Variants in LHFPL1 observed in about 807,000 individuals in gnomAD.
LHFPL1 encodes the protein LHFPL tetraspan subfamily member 1.
A neutral mutation model predicts 12.1 loss-of-function variants in LHFPL1; 4 were observed. The ratio of observed to expected loss-of-function variants is 0.33; its 90% CI spans 0.16 to 0.76. The LOEUF (loss-of-function observed/expected upper bound fraction) is 0.76, where lower values mean the gene tolerates loss of function less well. Ranked by LOEUF, LHFPL1 falls within the 30% of genes least tolerant of loss-of-function variation. The probability of loss-of-function intolerance (pLI) is 0.61; values close to 1 mark genes in which losing one functional copy is unlikely to be tolerated. For synonymous variants in LHFPL1, 52 were observed against 61.9 expected, an observed-to-expected ratio of 0.84 and a Z score of 0.75; for missense variants, 141 against 174.1, an observed-to-expected ratio of 0.81 and a Z score of 1.07.
At position 112,660,713 on chromosome X, in the gene LHFPL1, C is replaced by T. The variant is rs1472554540; in HGVS notation, c.395G>A (p.Ser132Asn). 1 of 1,194,616 alleles carries T rather than the reference C, an allele frequency of 8.4e-7. No homozygotes were observed. The highest frequency in any genetic ancestry group is 2.2e-5 in the Admixed American group (1 of 45,912). Residue 132 changes from serine to asparagine, a missense_variant, in exon 3 of 4, where the codon AGC becomes AAC. Coordinates refer to ENST00000371968, the MANE Select transcript of LHFPL1 (RefSeq NM_178175.4). ...TAAAGGGTATAAGGCACAGCCTGAGCTTATCAGCAGCCCTAGAAAGAAAGC... is the reference window on the plus strand; with the variant it reads ...TAAAGGGTATAAGGCACAGCCTGAGTTTATCAGCAGCCCTAGAAAGAAAGC... ...AAQFVGGLLI[S>N]SGCALYPLGW...
In LHFPL1 at chrX:112,634,960, C is replaced by T. The variant is rs200144743; in HGVS notation, c.482-3359G>A. ...AAAAAAGAGATTATATTCATTGGCA[C>T]TGTAAAAGAAAAAGAAAAAGCAGAC... On this transcript the variant is annotated intron_variant, in intron 3 of 3. Coordinates refer to ENST00000371968, the MANE Select transcript of LHFPL1 (RefSeq NM_178175.4). 1.1e-3 allele frequency among the ~76,000 whole-genome samples: 122 copies of T among 111,877 alleles called. No homozygotes were observed. The East Asian group carries it at 0.032, about 30-fold the overall frequency.
intron 3 of LHFPL1, among the ~76,000 whole-genome samples, chrX:112,645,726 C>G (rs1247822407): frequency 8.9e-6 from 1 of 112,066 alleles, no homozygotes; most frequent in Non-Finnish European, 1.9e-5. Context: ...TGTGTGGCAT[C>G]AAGTCCATAA....
intron 3 of LHFPL1, among the ~76,000 whole-genome samples, chrX:112,634,710 T>C (rs892524255): frequency 9.0e-6 from 1 of 111,119 alleles, no homozygotes; most frequent in Non-Finnish European, 1.9e-5. Flanking sequence ...CCAATAAACC[T>C]CACTGAAGTC....
At chrX:112,678,010 G>A (rs1931701896) in intron 1 of LHFPL1, among the ~76,000 whole-genome samples, 1 of 110,258 alleles carries the variant, frequency 9.1e-6, no homozygotes, top group African/African-American at 3.3e-5. Context: ...CCAGAGGTGG[G>A]AATGCTCACA....
At chrX:112,645,032 C>T (rs1274559952) in intron 3 of LHFPL1, among the ~76,000 whole-genome samples, 1 of 112,232 alleles carries the variant, frequency 8.9e-6, no homozygotes, top group Non-Finnish European at 1.9e-5. Context: ...TGGGTAGCCT[C>T]TACTGCAGGC....
chrX:112,642,501 A>G (rs970944856), intron 3 of LHFPL1, among the ~76,000 whole-genome samples: 1 of 108,781 alleles, frequency 9.2e-6, no homozygotes, highest in Non-Finnish European at 1.9e-5. Flanking sequence ...CTGAGAAAGC[A>G]GCAGAGAATG....
At chrX:112,654,120 C>T (rs997912260) in intron 3 of LHFPL1, among the ~76,000 whole-genome samples, 5 of 111,922 alleles carry the variant, frequency 4.5e-5, no homozygotes, top group African/African-American at 1.6e-4. Flanking sequence ...AATCATTCCA[C>T]TCCTAGGAAT....
At chrX:112,640,511 A>C (rs1930470877) in intron 3 of LHFPL1, among the ~76,000 whole-genome samples, 1 of 111,781 alleles carries the variant, frequency 8.9e-6, no homozygotes, top group Non-Finnish European at 1.9e-5. Flanking sequence ...CTTTATCCTG[A>C]AGGCAATGGG....
chrX:112,659,888 G>A (rs1569365364), intron 3 of LHFPL1, among the ~76,000 whole-genome samples: 1 of 112,029 alleles, frequency 8.9e-6, no homozygotes, highest in Non-Finnish European at 1.9e-5. Context: ...TCAATCTGAG[G>A]CAACAGAGAG....
At chrX:112,674,590 G>C (rs1382068798) in intron 1 of LHFPL1, among the ~76,000 whole-genome samples, 36 of 106,959 alleles carry the variant, frequency 3.4e-4, no homozygotes, top group African/African-American at 1.2e-3. Flanking sequence ...AAACAAATCA[G>C]TAAGAAAAAA....
intron 2 of LHFPL1, among the ~76,000 whole-genome samples, chrX:112,667,083 C>T (rs1366217931): frequency 8.9e-6 from 1 of 111,790 alleles, no homozygotes. Context: ...TCTGGTAAAA[C>T]TCTGAAGGAC....
chrX:112,652,217 T>A (rs778200185), intron 3 of LHFPL1, among the ~76,000 whole-genome samples: 5 of 112,275 alleles, frequency 4.5e-5, no homozygotes, highest in Middle Eastern at 4.6e-3. Flanking sequence ...TCTTCCTTCA[T>A]ATCATTTATC....
chrX:112,674,663 T>C (rs186313150), intron 1 of LHFPL1, among the ~76,000 whole-genome samples: 74 of 111,273 alleles, frequency 6.7e-4, no homozygotes, highest in African/African-American at 2.4e-3. Context: ...GATATACAAA[T>C]GGCCAACAGA....
At chrX:112,664,139 A>G (rs1475819800) in intron 2 of LHFPL1, among the ~76,000 whole-genome samples, 1 of 112,297 alleles carries the variant, frequency 8.9e-6, no homozygotes, top group African/African-American at 3.2e-5. Flanking sequence ...TGGTATGTAA[A>G]TAGTTGTTGT....
At chrX:112,667,498 T>G (rs1931369746) in intron 2 of LHFPL1, among the ~76,000 whole-genome samples, 1 of 112,530 alleles carries the variant, frequency 8.9e-6, no homozygotes, top group African/African-American at 3.2e-5. Flanking sequence ...TGGCCTCCCA[T>G]GAGTAACCTG....
chrX:112,658,441 A>G (rs1208108978), intron 3 of LHFPL1, among the ~76,000 whole-genome samples: 2 of 106,331 alleles, frequency 1.9e-5, no homozygotes, highest in Non-Finnish European at 3.9e-5. Flanking sequence ...CAAAAAAAAA[A>G]AAGAAAAAAG....
chrX:112,641,344 A>G (rs1347015400), intron 3 of LHFPL1, among the ~76,000 whole-genome samples: 1 of 112,123 alleles, frequency 8.9e-6, no homozygotes, highest in African/African-American at 3.2e-5. Flanking sequence ...ATTATTATAG[A>G]GGAAAGAATC....
At chrX:112,647,602 G>A (rs1445535108) in intron 3 of LHFPL1, among the ~76,000 whole-genome samples, 1 of 112,285 alleles carries the variant, frequency 8.9e-6, no homozygotes, top group African/African-American at 3.2e-5. Context: ...TTAGAGAAAT[G>A]CAAATCAAAA....
intron 3 of LHFPL1, among the ~76,000 whole-genome samples, chrX:112,638,995 C>T (rs764233093): frequency 1.8e-5 from 2 of 112,080 alleles, no homozygotes; most frequent in Non-Finnish European, 3.8e-5. Flanking sequence ...TATTCAGAGA[C>T]ATACTGCTGA....
Sources: gnomAD v4.1 joint callset for allele counts (sites outside exome capture counted in the v4.1 genomes callset) on GRCh38, gnomAD v4.1.1 for gene constraint, MANE v1.5 for transcripts, NCBI Gene and HGNC (gene_info 2026-07-23, HGNC 2026-07-21) for gene names.